The following LIN9 variants were observed in gnomAD, a reference collection of about 807,000 sequenced individuals.
LIN9 encodes the protein lin-9 DREAM MuvB core complex component, also known as protein lin-9 homolog.
Under a neutral mutation model 78.0 loss-of-function variants are expected in LIN9, and 18 were observed. The ratio of observed to expected loss-of-function variants is 0.23; its 90% CI spans 0.16 to 0.34. LIN9 has a LOEUF of 0.34. LIN9 is among the 10% of genes least tolerant of loss of function. The pLI is 1.00. For missense variants in LIN9, 451 were observed against 644.1 expected, an observed-to-expected ratio of 0.70 and a Z score of 3.25; for synonymous variants, 192 against 215.2, an observed-to-expected ratio of 0.89 and a Z score of 0.94.
chr1:226,295,957 A>C lies in LIN9; in HGVS notation c.160-11T>G, dbSNP rs775388501. On this transcript the variant is annotated splice_polypyrimidine_tract_variant and intron_variant, in intron 3 of 14. Coordinates refer to ENST00000681046, the MANE Select transcript of LIN9 (RefSeq NM_001366245.2). ...TGAATTTCTGAAAGGCTATGATAGA[A>C]ATGTTTTCATTTAATGAAAAAGCCG... 6.3e-7 allele frequency: 1 copy of C among 1,580,432 alleles called. No individual in the cohort carries two copies. Among genetic ancestry groups the C allele is most frequent in the Admixed American group, 1.8e-5 (1 of 56,974 alleles).
chr1:226,309,396 A>C, upstream of LIN9: 11 of 991,310 alleles, frequency 1.1e-5, no homozygotes, highest in Non-Finnish European at 1.3e-5. Context: ...GGGAGGAAGG[A>C]GGCCGCACGG....
chr1:226,254,069 CTACAG>C lies in LIN9; in HGVS notation c.1039-3155_1039-3151del, dbSNP rs577068117. Among the ~76,000 whole-genome samples the C allele has an allele frequency of 4.9e-4, 74 of 152,268 alleles. 1 individual carries two copies. The highest frequency in any genetic ancestry group is 1.6e-3 in the African/African-American group (68 of 41,556). ...ACCTCAGACTCCTGAGTAGTAGGGA[CTACAG>C]GGGCGTATCACCACACCTGGCTAAT... is the stretch of plus-strand genomic sequence containing the variant. On this transcript the variant is annotated intron_variant, in intron 10 of 14. Transcript: ENST00000681046.
chr1:226,252,413 ATCCGTCAAACCTC>A (rs1658896096), intron 10 of LIN9, among the ~76,000 whole-genome samples: 1 of 152,120 alleles, frequency 6.6e-6, no homozygotes, highest in Non-Finnish European at 1.5e-5. Context: ...AAAAACCTAA[ATCCGTCAAACCTC>A]TAGAAATAAT....
chr1:226,287,655 G>C lies in LIN9; in HGVS notation c.398+9C>G. 1 of 1,515,722 alleles carries C rather than the reference G, an allele frequency of 6.6e-7. No homozygotes were observed. Among genetic ancestry groups the C allele is most frequent in the African/African-American group, 1.5e-5 (1 of 68,364 alleles). 93.9% of individuals were successfully genotyped at this position (1,515,722 alleles called of 1,614,324 possible). ...AAGTAATATTCATAATATAAGCCAT[G>C]ATACATACTTATCTATATTTGAATA... On this transcript the variant is annotated intron_variant, in intron 5 of 14. Coordinates refer to ENST00000681046, the MANE Select transcript of LIN9 (RefSeq NM_001366245.2).
chr1:226,286,381 G>C lies in LIN9; in HGVS notation c.476C>G (p.Thr159Arg). ...CCGAATTTTTCCCCATTCTACTCTT[G>C]TTAACTTTCTTGTTTTCAAATTAGG... Reference protein sequence around the residue: ...SFPNLKTRKLTRVEWGKIRRL... With the variant: ...SFPNLKTRKLRRVEWGKIRRL... The change falls in exon 6 of 15, where the codon ACA becomes AGA. Residue 159 changes from threonine (T) to arginine (R), a missense_variant. Physicochemically the swap from Thr to Arg is moderately conservative, Grantham distance 71 (BLOSUM62 -1). Transcript: ENST00000681046. 1 of 1,612,462 alleles carries C rather than the reference G, an allele frequency of 6.2e-7. No individual in the cohort carries two copies. Among genetic ancestry groups the C allele is most frequent in the Non-Finnish European group, 8.5e-7 (1 of 1,179,484 alleles).
intron 7 of LIN9, among the ~76,000 whole-genome samples, chr1:226,274,252 T>C (rs1467668301): frequency 6.6e-6 from 1 of 152,256 alleles, no homozygotes; most frequent in African/African-American, 2.4e-5. Context: ...GTCCTTTCCG[T>C]AGATTCCAGT....
At chr1:226,301,314 T>C in intron 1 of LIN9, 109 bp from the exon 2 acceptor site, 1 of 723,486 alleles carries the variant, frequency 1.4e-6, no homozygotes, top group African/African-American at 1.8e-5. Context: ...AATGTTGAGT[T>C]TGAAGAGATG....
In LIN9 at chr1:226,268,017, A is replaced by G. The variant is rs769258285; in HGVS notation, c.756T>C (p.Tyr252=). Residue 252 remains tyrosine (Y), a synonymous_variant, in exon 8 of 15, where the codon TAT becomes TAC. Coordinates refer to ENST00000681046, the MANE Select transcript of LIN9 (RefSeq NM_001366245.2). ...GCCCTGTCCTATCAAAAGTTACTCT[A>G]TAAGTAGCATTAAGAGTATCCACAG... ...IDAVDTLNAT[Y]RVTFDRTGLG... The G allele has an allele frequency of 5.0e-6, 8 of 1,613,126 alleles. No individual in the cohort carries two copies. In the East Asian group the frequency reaches 1.1e-4, roughly 22 times the overall value.
intron 4 of LIN9, among the ~76,000 whole-genome samples, chr1:226,293,703 G>A (rs760003740): frequency 2.6e-5 from 4 of 152,132 alleles, no homozygotes; most frequent in Non-Finnish European, 5.9e-5. Context: ...GATTACAGGC[G>A]TGTGCCACCA....
intron 10 of LIN9, among the ~76,000 whole-genome samples, 183 bp from the exon 11 acceptor site, chr1:226,251,102 G>A (rs1558163284): frequency 6.6e-6 from 1 of 152,132 alleles, no homozygotes; most frequent in Admixed American, 6.5e-5. Flanking sequence ...TGTCACCCAG[G>A]CTGGAGTGCA....
intron 10 of LIN9, among the ~76,000 whole-genome samples, chr1:226,261,685 C>G (rs372215789): frequency 1.3e-5 from 2 of 152,160 alleles, no homozygotes; most frequent in African/African-American, 4.8e-5. Flanking sequence ...TGTCAAGATA[C>G]CAGTTCTTCT....
intron 10 of LIN9, among the ~76,000 whole-genome samples, chr1:226,253,296 G>GA (rs1433599011): frequency 1.3e-5 from 2 of 148,316 alleles, no homozygotes; most frequent in Admixed American, 6.7e-5. Context: ...AAGAAAGAAA[G>GA]AAAAAAATGT....
chr1:226,267,071 C>T (rs555103019), intron 8 of LIN9, among the ~76,000 whole-genome samples: 20 of 151,890 alleles, frequency 1.3e-4, no homozygotes, highest in South Asian at 1.0e-3. Context: ...TGAGCAACCG[C>T]GCCTGGCCAA....
intron 2 of LIN9, among the ~76,000 whole-genome samples, chr1:226,298,364 C>T (rs546108639): frequency 1.3e-5 from 2 of 152,222 alleles, no homozygotes; most frequent in South Asian, 2.1e-4. Flanking sequence ...TGTGCCACCA[C>T]GCCTAGCTAA....
intron 10 of LIN9, among the ~76,000 whole-genome samples, chr1:226,257,289 T>G (rs1192993475): frequency 6.6e-6 from 1 of 152,154 alleles, no homozygotes; most frequent in Non-Finnish European, 1.5e-5. Context: ...AAAGAAAATT[T>G]TATATGTCAG....
chr1:226,262,119 C>T (rs574586219), intron 10 of LIN9, among the ~76,000 whole-genome samples: 1 of 152,158 alleles, frequency 6.6e-6, no homozygotes, highest in Non-Finnish European at 1.5e-5. Context: ...AAACCTTACA[C>T]CTTTCACAAA....
At chr1:226,251,805 C>G (rs1320395517) in intron 10 of LIN9, among the ~76,000 whole-genome samples, 1 of 152,094 alleles carries the variant, frequency 6.6e-6, no homozygotes. Flanking sequence ...ATTTGCAGAC[C>G]AGTAAGAACA....
intron 14 of LIN9, 75 bp downstream of exon 14, chr1:226,233,021 A>G (rs2306119): frequency 0.42 from 357,629 of 859,604 alleles, 76,206 homozygotes; most frequent in East Asian, 0.55. Flanking sequence ...ACAAATATGC[A>G]TAATTCTTAA....
chr1:226,308,356 G>A (rs1297516014), intron 1 of LIN9, among the ~76,000 whole-genome samples: 1 of 390 alleles, frequency 2.6e-3, no homozygotes, highest in Non-Finnish European at 7.1e-3. Context: ...TGTCAGGCAG[G>A]GTACACGTAC....
Sources: allele counts gnomAD v4.1 joint callset (sites outside exome capture counted in the v4.1 genomes callset), GRCh38; gene constraint gnomAD v4.1.1; transcripts MANE v1.5; gene names NCBI Gene and HGNC (gene_info 2026-07-23, HGNC 2026-07-21).